MARCHF8: variants seen among roughly 807,000 people sequenced by gnomAD.
MARCHF8 encodes membrane associated ring-CH-type finger 8.
MARCHF8 carries 40 observed loss-of-function variants against 51.6 expected under a neutral mutation model. That is an observed-to-expected ratio of 0.77 (90% CI 0.60 to 1.01). The LOEUF (loss-of-function observed/expected upper bound fraction) is 1.01, where lower values mean the gene tolerates loss of function less well. Ranked by LOEUF, MARCHF8 falls within the 50% of genes least tolerant of loss-of-function variation. The pLI is 0.00. For missense variants in MARCHF8, 685 were observed against 708.6 expected, an observed-to-expected ratio of 0.97 and a Z score of 0.38; for synonymous variants, 263 against 280.3, an observed-to-expected ratio of 0.94 and a Z score of 0.62.
chr10:45,472,062 C>T lies in MARCHF8; in HGVS notation c.154-7735G>A, dbSNP rs927261570. Among the ~76,000 whole-genome samples, 7 of 152,356 alleles carry T rather than the reference C, an allele frequency of 4.6e-5. No individual in the cohort carries two copies. In the East Asian group the frequency reaches 1.3e-3, roughly 29 times the overall value. On this transcript the variant is annotated intron_variant, in intron 3 of 7. Transcript: ENST00000453424. The stretch of plus-strand genomic sequence containing the variant: ...GAACCCTGAGCCGCGGAGTATACTA[C>T]TGACAGAAACATGGCAGGCAGGAAA...
intron 1 of MARCHF8, among the ~76,000 whole-genome samples, chr10:45,573,957 T>C (rs992101117): frequency 2.0e-5 from 3 of 152,186 alleles, no homozygotes; most frequent in Non-Finnish European, 4.4e-5. Flanking sequence ...CCCAGCTCCC[T>C]GAATAGGTCA....
intron 5 of MARCHF8, among the ~76,000 whole-genome samples, chr10:45,462,527 C>T (rs998521367): frequency 2.0e-5 from 3 of 152,044 alleles, no homozygotes; most frequent in Non-Finnish European, 2.9e-5. Context: ...ATACTAGTTT[C>T]TTTCTTCCAG....
chr10:45,585,971 A>G, intron 1 of MARCHF8, among the ~76,000 whole-genome samples: 1 of 152,140 alleles, frequency 6.6e-6, no homozygotes, highest in South Asian at 2.1e-4. Context: ...ACATTTAAAT[A>G]TTTTACATAA....
At chr10:45,583,972 C>G (rs1436934967) in intron 1 of MARCHF8, among the ~76,000 whole-genome samples, 1 of 138,916 alleles carries the variant, frequency 7.2e-6, no homozygotes, top group Admixed American at 7.4e-5. Context: ...TGCCACTGCA[C>G]TCCAGCCTGG....
chr10:45,570,992 G>GTTGA (rs1162000273), intron 1 of MARCHF8, among the ~76,000 whole-genome samples: 2 of 152,176 alleles, frequency 1.3e-5, no homozygotes, highest in Admixed American at 1.3e-4. Context: ...CTGTCAAGAT[G>GTTGA]TTGATTCTGC....
At chr10:45,527,385 G>T (rs2043810893) in intron 2 of MARCHF8, among the ~76,000 whole-genome samples, 1 of 151,962 alleles carries the variant, frequency 6.6e-6, no homozygotes, top group South Asian at 2.1e-4. Flanking sequence ...CATTAACCAA[G>T]AAGAAAGAAA....
chr10:45,565,919 T>C (rs1356199995), intron 1 of MARCHF8, among the ~76,000 whole-genome samples: 1 of 152,226 alleles, frequency 6.6e-6, no homozygotes, highest in African/African-American at 2.4e-5. Context: ...AATTTACTTA[T>C]ATTAAACCCA....
At chr10:45,554,256 T>G (rs2044228024) in intron 1 of MARCHF8, among the ~76,000 whole-genome samples, 1 of 152,186 alleles carries the variant, frequency 6.6e-6, no homozygotes, top group Non-Finnish European at 1.5e-5. Flanking sequence ...GAACCAAAAT[T>G]TTTAGCATGA....
intron 1 of MARCHF8, among the ~76,000 whole-genome samples, chr10:45,548,337 G>A (rs934617624): frequency 9.9e-5 from 15 of 152,094 alleles, no homozygotes; most frequent in Non-Finnish European, 1.3e-4. Flanking sequence ...CTGCATGAGA[G>A]TGAGATGCTA....
At chr10:45,581,153 C>T (rs898981718) in intron 1 of MARCHF8, among the ~76,000 whole-genome samples, 9 of 152,026 alleles carry the variant, frequency 5.9e-5, no homozygotes, top group African/African-American at 2.2e-4. Context: ...GGGGATTTTG[C>T]CAGTGTCTTG....
intron 2 of MARCHF8, among the ~76,000 whole-genome samples, chr10:45,517,340 A>G (rs1324367964): frequency 6.6e-6 from 1 of 152,212 alleles, no homozygotes. Context: ...TGTCTCCACC[A>G]AATCTCATGT....
At chr10:45,471,134 G>A (rs1254373785) in intron 3 of MARCHF8, among the ~76,000 whole-genome samples, 8 of 152,164 alleles carry the variant, frequency 5.3e-5, no homozygotes, top group Admixed American at 1.3e-4. Flanking sequence ...ACTACTGAAT[G>A]CTAAAATGAT....
intron 2 of MARCHF8, among the ~76,000 whole-genome samples, chr10:45,523,222 C>G (rs2043738336): frequency 2.0e-5 from 3 of 152,170 alleles, no homozygotes; most frequent in South Asian, 4.1e-4. Flanking sequence ...ACTGCAATCT[C>G]TGCATTAAAA....
chr10:45,528,325 C>T (rs781578650), intron 2 of MARCHF8, among the ~76,000 whole-genome samples: 1 of 152,152 alleles, frequency 6.6e-6, no homozygotes, highest in Non-Finnish European at 1.5e-5. Context: ...TCTCTGTTTG[C>T]TGATATAATT....
chr10:45,515,604 G>A (rs2043605156), intron 2 of MARCHF8, among the ~76,000 whole-genome samples: 2 of 151,728 alleles, frequency 1.3e-5, no homozygotes, highest in Non-Finnish European at 2.9e-5. Flanking sequence ...TTTTTGCAGG[G>A]AAATAATGAT....
chr10:45,558,013 A>G (rs1456861963), intron 1 of MARCHF8, among the ~76,000 whole-genome samples: 1 of 152,252 alleles, frequency 6.6e-6, no homozygotes, highest in Non-Finnish European at 1.5e-5. Context: ...GATCAGTATC[A>G]GTGACCAGTG....
intron 2 of MARCHF8, among the ~76,000 whole-genome samples, chr10:45,511,999 T>A (rs1272260956): frequency 7.1e-6 from 1 of 141,278 alleles, no homozygotes; most frequent in Non-Finnish European, 1.5e-5. Context: ...ATCTAGGAAG[T>A]GAGGAGCGCC....
At chr10:45,565,074 A>G (rs2044349837) in intron 1 of MARCHF8, among the ~76,000 whole-genome samples, 1 of 152,072 alleles carries the variant, frequency 6.6e-6, no homozygotes, top group African/African-American at 2.4e-5. Flanking sequence ...TAATTTCTTT[A>G]GAAGACACAC....
intron 1 of MARCHF8, among the ~76,000 whole-genome samples, chr10:45,558,122 A>G (rs2044272309): frequency 6.6e-6 from 1 of 152,172 alleles, no homozygotes; most frequent in Non-Finnish European, 1.5e-5. Flanking sequence ...ATTTTCATAC[A>G]TTATTCTTCA....
Sources: gnomAD v4.1 joint callset for allele counts (sites outside exome capture counted in the v4.1 genomes callset) on GRCh38, gnomAD v4.1.1 for gene constraint, MANE v1.5 for transcripts, NCBI Gene and HGNC (gene_info 2026-07-23, HGNC 2026-07-21) for gene names.